Variants in SLC6A17 observed in about 807,000 individuals in gnomAD.
SLC6A17 encodes the protein solute carrier family 6 member 17, also known as sodium-dependent neutral amino acid transporter SLC6A17.
SLC6A17 carries 21 observed loss-of-function variants against 64.5 expected under a neutral mutation model. That is an observed-to-expected ratio of 0.33 (90% CI 0.23 to 0.47). The LOEUF is 0.47. Among genes scored for constraint, SLC6A17 ranks in the 20% least tolerant of loss-of-function variants. The pLI is 1.00. For synonymous variants in SLC6A17, 372 were observed against 399.5 expected (o/e 0.93, Z 0.82); for missense variants, 682 against 963.2 (o/e 0.71, Z 3.86).
At chr1:110,154,548 G>T (rs1655704533) in intron 1 of SLC6A17, among the ~76,000 whole-genome samples, 1 of 152,200 alleles carries the variant, frequency 6.6e-6, no homozygotes, top group Admixed American at 6.5e-5. Flanking sequence ...TTGGCTCCAG[G>T]TGGGTTGAAA....
At chr1:110,173,904 C>CAAGAA in intron 3 of SLC6A17, 69 bp from the exon 4 acceptor site, 4 of 1,529,138 alleles carry the variant, frequency 2.6e-6, no homozygotes, top group Admixed American at 1.9e-5. Context: ...TGCTGGGCCT[C>CAAGAA]GGGTGGAGCG....
chr1:110,166,614 G>T (rs1157195980), intron 1 of SLC6A17, among the ~76,000 whole-genome samples: 1 of 152,188 alleles, frequency 6.6e-6, no homozygotes, highest in Non-Finnish European at 1.5e-5. Flanking sequence ...TGCCCCTTTA[G>T]GTTTACTTTT....
In SLC6A17 at chr1:110,192,305, G is replaced by C. The variant is rs537462047; in HGVS notation, c.1106+92G>C. 3.0e-5 allele frequency: 46 copies of C among 1,530,288 alleles called. No homozygotes were observed. In the South Asian group the frequency reaches 5.4e-4, roughly 18 times the overall value. 94.8% of individuals were successfully genotyped at this position (1,530,288 alleles called of 1,614,324 possible). A position where few individuals can be genotyped will look rare whatever the true frequency, so the allele number is the denominator to read the frequency against. On this transcript the variant is annotated intron_variant, in intron 7 of 11. Coordinates refer to ENST00000331565, the MANE Select transcript of SLC6A17 (RefSeq NM_001010898.4). The surrounding 1 kb of genome is among the most constrained non-coding windows in gnomAD (Gnocchi z 4.3). ...GGGGGCGCAGGTGTGCATGGGGAGA[G>C]AGGTCCCCTCCACTCAGACTGAGGA...
intron 1 of SLC6A17, among the ~76,000 whole-genome samples, chr1:110,160,740 G>A (rs184517034): frequency 1.3e-5 from 2 of 152,364 alleles, no homozygotes; most frequent in Non-Finnish European, 2.9e-5. Context: ...TTAGTCTAGA[G>A]TGAGTGGTGA....
Position 110,181,832 on chromosome 1 carries a change from CAA to C in SLC6A17, c.864+5095_864+5096del, listed in dbSNP as rs1332759923. Among the ~76,000 whole-genome samples the C allele has an allele frequency of 4.6e-5, 7 of 152,192 alleles. No homozygotes were observed. The East Asian group carries it at 1.2e-3, about 25-fold the overall frequency. On this transcript the variant is annotated intron_variant, in intron 6 of 11. Coordinates refer to ENST00000331565, the MANE Select transcript of SLC6A17 (RefSeq NM_001010898.4). ...TGAGACTGGCTGTGGCTGGCATATT[CAA>C]AGAGGCCAGTGTGGCTCGAATAGGA...
In SLC6A17 at chr1:110,197,447, G is replaced by C. The variant is rs1056465813; in HGVS notation, c.1663G>C (p.Glu555Gln). 5.6e-6 allele frequency: 9 copies of C among 1,611,828 alleles called. No individual in the cohort carries two copies. The highest frequency in any genetic ancestry group is 7.6e-6 in the Non-Finnish European group (9 of 1,179,208). Residue 555 changes from glutamate to glutamine, a missense_variant, in exon 11 of 12, where the codon GAG (glutamate) becomes CAG (glutamine). This residue lies in a region of SLC6A17 where 264 missense variants were observed against 339.5 expected (regional missense o/e 0.78). Transcript: ENST00000331565. Reference protein sequence around the residue: ...WIYGTKKFMQELTEMLGFRPY... With the variant: ...WIYGTKKFMQQLTEMLGFRPY... ...TGCTATGCCTGGCAGGTTCATGCAG[G>C]AGCTGACGGAGATGCTGGGCTTCCG...
chr1:110,197,374 T>TG, intron 10 of SLC6A17, 63 bp from the exon 11 acceptor site: 1 of 1,545,062 alleles, frequency 6.5e-7, no homozygotes, highest in Non-Finnish European at 8.7e-7. Flanking sequence ...GAGATGGTGA[T>TG]GGGGGAAGAG....
At chr1:110,171,507 T>C (rs1158767682) in intron 2 of SLC6A17, among the ~76,000 whole-genome samples, 2 of 152,162 alleles carry the variant, frequency 1.3e-5, no homozygotes, top group Non-Finnish European at 2.9e-5. Context: ...TGTAGATTAG[T>C]GGCAAAGCTG....
intron 1 of SLC6A17, 51 bp from the exon 2 acceptor site, chr1:110,166,792 C>A: frequency 8.3e-7 from 1 of 1,204,612 alleles, no homozygotes; most frequent in Non-Finnish European, 1.1e-6. Context: ...TTGGGCTCCT[C>A]ACCTTCCTGG....
In SLC6A17 at chr1:110,194,640, C is replaced by G; in HGVS notation, c.1361C>G (p.Ala454Gly). The stretch of plus-strand genomic sequence containing the variant: ...ACTGAGGCCATGACGCACTTCCCCG[C>G]CTCCCCGTTCTGGTCCGTCATGTTC... Reference protein sequence around the residue: ...AFTEAMTHFPASPFWSVMFFL... With the variant: ...AFTEAMTHFPGSPFWSVMFFL... Residue 454 changes from alanine to glycine, a missense_variant, in exon 9 of 12, where the codon GCC becomes GGC. Transcript: ENST00000331565. 1.2e-6 allele frequency: 2 copies of G among 1,614,222 alleles called. No homozygotes were observed. Among genetic ancestry groups the G allele is most frequent in the Non-Finnish European group, 1.7e-6 (2 of 1,180,044 alleles).
intron 1 of SLC6A17, among the ~76,000 whole-genome samples, chr1:110,158,798 C>T (rs1297242831): frequency 6.6e-6 from 1 of 152,204 alleles, no homozygotes; most frequent in Non-Finnish European, 1.5e-5. Context: ...CTTTGGATGA[C>T]TTGCCTTATT....
At chr1:110,170,974 G>A (rs1353829531) in intron 2 of SLC6A17, among the ~76,000 whole-genome samples, 2 of 152,132 alleles carry the variant, frequency 1.3e-5, no homozygotes, top group Non-Finnish European at 2.9e-5. Context: ...CTGTCCCCCC[G>A]CTGCCTGTGC....
At chr1:110,188,831 C>T (rs1252298481) in intron 6 of SLC6A17, among the ~76,000 whole-genome samples, 2 of 152,234 alleles carry the variant, frequency 1.3e-5, no homozygotes, top group Admixed American at 6.5e-5. Flanking sequence ...ACATTGCCTC[C>T]ATTTCCTCCC....
chr1:110,165,209 CG>C (rs1004921996), intron 1 of SLC6A17, among the ~76,000 whole-genome samples: 13 of 152,166 alleles, frequency 8.5e-5, no homozygotes, highest in African/African-American at 3.1e-4. Flanking sequence ...CTCTCCGTTG[CG>C]TAACTCCTAG....
intron 6 of SLC6A17, among the ~76,000 whole-genome samples, chr1:110,178,403 C>G (rs1656427468): frequency 6.6e-6 from 1 of 152,160 alleles, no homozygotes; most frequent in South Asian, 2.1e-4. Context: ...CACTTTATCT[C>G]TTTAATTATG....
chr1:110,173,893 G>GAA, intron 3 of SLC6A17, 80 bp from the exon 4 acceptor site: 20 of 1,558,006 alleles, frequency 1.3e-5, no homozygotes, highest in Admixed American at 9.4e-5. Flanking sequence ...CGCTGCCGAC[G>GAA]TGCTGGGCCT....
chr1:110,196,341 A>G (rs545936299), intron 10 of SLC6A17, among the ~76,000 whole-genome samples: 1 of 152,196 alleles, frequency 6.6e-6, no homozygotes, highest in Non-Finnish European at 1.5e-5. Context: ...GACCATGACC[A>G]CATTGTCCTT....
chr1:110,191,923 A>G, intron 6 of SLC6A17, 49 bp from the exon 7 acceptor site: 1 of 1,588,676 alleles, frequency 6.3e-7, no homozygotes, highest in Non-Finnish European at 8.6e-7. Context: ...GAATAAAACC[A>G]TCCCCTCTGT....
At position 110,197,619 on chromosome 1, in the gene SLC6A17, A is replaced by G. The variant is rs748115531; in HGVS notation, c.1815+20A>G. On this transcript the variant is annotated intron_variant, in intron 11 of 11. Coordinates refer to ENST00000331565, the MANE Select transcript of SLC6A17 (RefSeq NM_001010898.4). ...GAGGAGGTGAGGGGTGGGGCCCCAA[A>G]CCCCAGGGACATTTGCATCTTCTCA... The G allele has an allele frequency of 1.9e-6, 3 of 1,568,202 alleles. No homozygotes were observed.
Sources: gnomAD v4.1 joint callset for allele counts (sites outside exome capture counted in the v4.1 genomes callset) on GRCh38, gnomAD v4.1.1 for gene constraint, gnomAD v4.1.1 regional missense constraint, Gnocchi (gnomAD v3.1) non-coding constraint, MANE v1.5 for transcripts, NCBI Gene and HGNC (gene_info 2026-07-23, HGNC 2026-07-21) for gene names.